The following MITF variants were observed in gnomAD, a reference collection of about 807,000 sequenced individuals.
The protein encoded by MITF is microphthalmia-associated transcription factor.
In MITF, 17 loss-of-function variants were observed where a neutral mutation model predicts 60.5. The ratio of observed to expected loss-of-function variants is 0.28; its 90% CI spans 0.19 to 0.42. The LOEUF (loss-of-function observed/expected upper bound fraction) is 0.42. Ranked by LOEUF, MITF falls within the 10% of genes least tolerant of loss-of-function variation. MITF has a pLI of 1.00. For synonymous variants in MITF, 260 were observed against 248.5 expected (o/e 1.05, Z -0.43); for missense variants, 622 against 683.5 (o/e 0.91, Z 1.00).
At chr3:69,944,660 G>A (rs1487087630) in intron 5 of MITF, among the ~76,000 whole-genome samples, 2 of 152,020 alleles carry the variant, frequency 1.3e-5, no homozygotes, top group African/African-American at 4.8e-5. Context: ...ACTCTTGACG[G>A]AGTGATTCAA....
rs542512960 is a variant in MITF at position 69,896,621 on chromosome 3, C to A, written c.354+17238C>A. Among the ~76,000 whole-genome samples the A allele has an allele frequency of 1.5e-3, 231 of 152,280 alleles. 1 individual carries two copies. Among genetic ancestry groups the A allele is most frequent in the Non-Finnish European group, 2.2e-3 (149 of 68,018 alleles). On this transcript the variant is annotated intron_variant, in intron 2 of 9. Transcript: ENST00000352241. ...GCATAGGTTTTGAGGGATCTGCCCC[C>A]AATCTTCTTTTTTCTTAATATGCCC...
chr3:69,871,454 C>G, intron 1 of MITF, among the ~76,000 whole-genome samples: 1 of 152,176 alleles, frequency 6.6e-6, no homozygotes, highest in Non-Finnish European at 1.5e-5. Context: ...AAGGTTAAAT[C>G]AGGTACTTTA....
intron 1 of MITF, among the ~76,000 whole-genome samples, chr3:69,763,005 C>G (rs886186327): frequency 6.6e-6 from 1 of 152,084 alleles, no homozygotes; most frequent in African/African-American, 2.4e-5. Context: ...AGTTAAATAC[C>G]TTTTCTTTTC....
intron 1 of MITF, among the ~76,000 whole-genome samples, chr3:69,788,964 A>G (rs1331866336): frequency 6.6e-6 from 1 of 152,204 alleles, no homozygotes; most frequent in Non-Finnish European, 1.5e-5. Flanking sequence ...TCAAGACCTA[A>G]ATGTAAGACC....
chr3:69,746,030 A>C (rs1440864416), intron 1 of MITF, among the ~76,000 whole-genome samples: 11 of 152,196 alleles, frequency 7.2e-5, no homozygotes, highest in Admixed American at 7.2e-4. Context: ...ATCCAAAACA[A>C]AGTAGACAAG....
chr3:69,947,419 A>G (rs1380694721), intron 5 of MITF, among the ~76,000 whole-genome samples: 1 of 152,170 alleles, frequency 6.6e-6, no homozygotes, highest in Non-Finnish European at 1.5e-5. Flanking sequence ...GTTAAATTGG[A>G]CAAGAATAAA....
At chr3:69,800,270 G>T (rs1259417709) in intron 1 of MITF, among the ~76,000 whole-genome samples, 1 of 152,106 alleles carries the variant, frequency 6.6e-6, no homozygotes. Flanking sequence ...TGAAAGGAAT[G>T]ACCTTTTTAT....
chr3:69,961,225 A>C (rs1372834992), intron 9 of MITF, among the ~76,000 whole-genome samples: 1 of 151,598 alleles, frequency 6.6e-6, no homozygotes, highest in African/African-American at 2.4e-5. Context: ...TCTACTAAAA[A>C]TAGAAAAATT....
intron 1 of MITF, among the ~76,000 whole-genome samples, chr3:69,833,656 TTGTTTCCC>T (rs2063490521): frequency 6.6e-6 from 1 of 152,180 alleles, no homozygotes; most frequent in Non-Finnish European, 1.5e-5. Flanking sequence ...CTGTATGTGG[TTGTTTCCC>T]TGTTTACACT....
At position 69,897,840 on chromosome 3, in the gene MITF, G is replaced by T. The variant is rs113838233; in HGVS notation, c.354+18457G>T. Among the ~76,000 whole-genome samples the T allele has an allele frequency of 7.7e-3, 1,165 of 152,258 alleles. 9 individuals are homozygous for T. The highest frequency in any genetic ancestry group is 0.026 in the African/African-American group (1,092 of 41,534). Reference sequence around the variant, plus strand: ...TGAATTAACCTACAAATGAATGAATGAATTAATAAAATCACAAAGTCAAGT... The same window carrying T: ...TGAATTAACCTACAAATGAATGAATTAATTAATAAAATCACAAAGTCAAGT... On this transcript the variant is annotated intron_variant, in intron 2 of 9. Transcript: ENST00000352241.
chr3:69,920,149 C>T (rs749620319), intron 2 of MITF, among the ~76,000 whole-genome samples: 1 of 152,236 alleles, frequency 6.6e-6, no homozygotes, highest in African/African-American at 2.4e-5. Context: ...GACAAGAGTG[C>T]GAGCCTTCTG....
At chr3:69,761,814 G>T (rs2062216586) in intron 1 of MITF, among the ~76,000 whole-genome samples, 1 of 152,188 alleles carries the variant, frequency 6.6e-6, no homozygotes, top group African/African-American at 2.4e-5. Context: ...TAAGTAAGTG[G>T]TAGATTTTCC....
intron 1 of MITF, among the ~76,000 whole-genome samples, chr3:69,806,331 C>T (rs1343081224): frequency 1.3e-5 from 2 of 152,114 alleles, no homozygotes; most frequent in African/African-American, 4.8e-5. Flanking sequence ...AAGTGATCAC[C>T]TGCCTTGGCC....
chr3:69,745,630 C>G (rs1394584847), intron 1 of MITF, among the ~76,000 whole-genome samples: 1 of 152,174 alleles, frequency 6.6e-6, no homozygotes, highest in African/African-American at 2.4e-5. Flanking sequence ...AACTTCTAAC[C>G]TTTCTTTAAG....
chr3:69,851,941 C>G (rs1423739415), intron 1 of MITF, among the ~76,000 whole-genome samples: 1 of 152,048 alleles, frequency 6.6e-6, no homozygotes, highest in Admixed American at 6.6e-5. Context: ...TATTGGTGAG[C>G]TGCTATAATG....
intron 2 of MITF, among the ~76,000 whole-genome samples, chr3:69,923,623 A>T (rs2065519032): frequency 6.6e-6 from 1 of 152,078 alleles, no homozygotes; most frequent in African/African-American, 2.4e-5. Flanking sequence ...CACCTAGCCT[A>T]TTTTCACTTT....
chr3:69,884,689 C>T (rs2064569992), intron 2 of MITF, among the ~76,000 whole-genome samples: 1 of 152,176 alleles, frequency 6.6e-6, no homozygotes, highest in Non-Finnish European at 1.5e-5. Context: ...AAACTTAACA[C>T]AGGCTCAGTA....
chr3:69,943,804 A>G (rs2066028014), intron 5 of MITF, among the ~76,000 whole-genome samples: 1 of 152,106 alleles, frequency 6.6e-6, no homozygotes, highest in Admixed American at 6.5e-5. Context: ...TTTAGAATGA[A>G]TACTTGGCTG....
intron 3 of MITF, chr3:69,938,344 C>G (rs111706486): frequency 6.4e-7 from 1 of 1,569,716 alleles, no homozygotes; most frequent in Non-Finnish European, 8.6e-7. Flanking sequence ...CTCTTCCATG[C>G]CTTTCAGTTT....
Sources: allele counts gnomAD v4.1 joint callset (sites outside exome capture counted in the v4.1 genomes callset), GRCh38; gene constraint gnomAD v4.1.1; transcripts MANE v1.5; gene names NCBI Gene and HGNC (gene_info 2026-07-23, HGNC 2026-07-21).